The following LMF1 variants were observed in gnomAD, a reference collection of about 807,000 sequenced individuals.
LMF1 encodes lipase maturation factor 1, also known as transmembrane protein 112.
Under a neutral mutation model 60.6 loss-of-function variants are expected in LMF1, and 68 were observed. That is an observed-to-expected ratio of 1.12 (90% CI 0.92 to 1.37). The LOEUF (loss-of-function observed/expected upper bound fraction) is 1.37. Ranked by LOEUF, LMF1 falls within the 40% of genes most tolerant of loss-of-function variation. LMF1 has a pLI of 0.00. For missense variants in LMF1, 948 were observed against 767.2 expected, an observed-to-expected ratio of 1.24 and a Z score of -2.78; for synonymous variants, 418 against 324.7, an observed-to-expected ratio of 1.29 and a Z score of -3.09.
At chr16:912,909 C>A (rs1392141610) in intron 3 of LMF1, among the ~76,000 whole-genome samples, 1 of 152,242 alleles carries the variant, frequency 6.6e-6, no homozygotes, top group Non-Finnish European at 1.5e-5. Context: ...GCTGCCAGGG[C>A]GGCCTCAGCG....
At chr16:891,581 T>C (rs1329680284) in intron 5 of LMF1, among the ~76,000 whole-genome samples, 2 of 151,974 alleles carry the variant, frequency 1.3e-5, no homozygotes, top group Non-Finnish European at 2.9e-5. Flanking sequence ...AGACAAGGGG[T>C]CCACCCAGCT....
chr16:872,848 A>C (rs114231254), intron 6 of LMF1: 5,140 of 152,410 alleles, frequency 0.034, 85 homozygotes, highest in Middle Eastern at 0.048. Flanking sequence ...AGCCTGAGCC[A>C]GTGCCCGTTC....
chr16:870,431 G>GGGGGTT (rs760621469), intron 8 of LMF1, among the ~76,000 whole-genome samples: 1 of 152,232 alleles, frequency 6.6e-6, no homozygotes, highest in Non-Finnish European at 1.5e-5. Context: ...TTCCCACGCA[G>GGGGGTT]GGGGTTGGGG....
chr16:894,123 A>AC (rs1567197230), intron 4 of LMF1, among the ~76,000 whole-genome samples: 8 of 5,998 alleles, frequency 1.3e-3, no homozygotes. Context: ...TGTCCACCGG[A>AC]CCGTCTGCCC....
chr16:858,647 T>A (rs866787546), intron 10 of LMF1, among the ~76,000 whole-genome samples: 57 of 32,972 alleles, frequency 1.7e-3, no homozygotes, highest in Admixed American at 2.0e-3. Context: ...CAGTGGTGTC[T>A]CGGGACGGGT....
At chr16:964,169 G>A (rs2072875153) in intron 1 of LMF1, 1 of 454,260 alleles carries the variant, frequency 2.2e-6, no homozygotes, top group Non-Finnish European at 4.4e-6. Flanking sequence ...GGCAGCCTGT[G>A]CCCGTAGCCC....
At chr16:928,722 A>C (rs1463498121) in intron 3 of LMF1, among the ~76,000 whole-genome samples, 21 of 52,384 alleles carry the variant, frequency 4.0e-4, no homozygotes, top group South Asian at 1.4e-3. Context: ...CCACGGGCCC[A>C]CCCCACACCC....
At chr16:885,609 A>G (rs1488349366) in intron 5 of LMF1, among the ~76,000 whole-genome samples, 2 of 152,240 alleles carry the variant, frequency 1.3e-5, no homozygotes, top group Non-Finnish European at 2.9e-5. Context: ...CAGACAAAGC[A>G]CAATTCAGAG....
chr16:879,481 G>C (rs921233241), intron 6 of LMF1, 89 bp downstream of exon 6: 17 of 1,468,438 alleles, frequency 1.2e-5, no homozygotes, highest in Non-Finnish European at 1.6e-5. Context: ...TAATGCCCCA[G>C]GGTCCTCCCA....
chr16:911,738 C>T (rs2071128518), intron 3 of LMF1, among the ~76,000 whole-genome samples: 1 of 146,218 alleles, frequency 6.8e-6, no homozygotes, highest in Non-Finnish European at 1.5e-5. Flanking sequence ...GCCCAGCCTC[C>T]ATGTGAGGCA....
At chr16:914,554 C>A (rs1736495) in intron 3 of LMF1, among the ~76,000 whole-genome samples, 1 of 3,954 alleles carries the variant, frequency 2.5e-4, no homozygotes, top group Non-Finnish European at 5.9e-4. Flanking sequence ...CCCATGACCA[C>A]TGGTGACACA....
At chr16:974,426 C>T (rs1374929601), upstream of LMF1, among the ~76,000 whole-genome samples, 3 of 152,172 alleles carry the variant, frequency 2.0e-5, no homozygotes, top group South Asian at 2.1e-4. Context: ...GAGAAAAAGC[C>T]AGGCTGACCC....
intron 2 of LMF1, among the ~76,000 whole-genome samples, chr16:950,644 C>G (rs2072427434): frequency 6.8e-6 from 1 of 147,206 alleles, no homozygotes; most frequent in Non-Finnish European, 1.5e-5. Context: ...CAGCCAAGGA[C>G]AGAGTCAGCC....
chr16:894,470 G>A (rs554967599), intron 4 of LMF1, among the ~76,000 whole-genome samples: 3 of 151,408 alleles, frequency 2.0e-5, no homozygotes, highest in South Asian at 4.2e-4. Flanking sequence ...CTGTCCACCC[G>A]ACTTCTACCT....
chr16:859,760 T>G, intron 10 of LMF1, among the ~76,000 whole-genome samples: 1 of 69,610 alleles, frequency 1.4e-5, no homozygotes, highest in Non-Finnish European at 2.6e-5. Context: ...TGTCTCGGGA[T>G]GGGTGTGAGT....
At chr16:951,998 C>A (rs1014606168) in intron 2 of LMF1, among the ~76,000 whole-genome samples, 1 of 152,202 alleles carries the variant, frequency 6.6e-6, no homozygotes, top group Non-Finnish European at 1.5e-5. Flanking sequence ...CCCGTGAGAG[C>A]GCCTGACCCC....
chr16:891,437 C>A (rs2151729596), intron 5 of LMF1, among the ~76,000 whole-genome samples: 1 of 152,320 alleles, frequency 6.6e-6, no homozygotes, highest in Non-Finnish European at 1.5e-5. Context: ...GCATCTCTTG[C>A]CAATGGAAAG....
At chr16:910,853 C>T (rs1302438123) in intron 4 of LMF1, 78 bp downstream of exon 4, 9 of 1,575,776 alleles carry the variant, frequency 5.7e-6, no homozygotes, top group Non-Finnish European at 6.9e-6. Flanking sequence ...AGGAAACAGC[C>T]TCACCTCTCC....
At chr16:922,560 G>C (rs2071462306) in intron 3 of LMF1, among the ~76,000 whole-genome samples, 2 of 150,364 alleles carry the variant, frequency 1.3e-5, no homozygotes, top group Admixed American at 6.6e-5. Context: ...TTGGTGTCGT[G>C]TTGTTGCGAA....
Sources: allele counts gnomAD v4.1 joint callset (sites outside exome capture counted in the v4.1 genomes callset), GRCh38; gene constraint gnomAD v4.1.1; transcripts MANE v1.5; gene names NCBI Gene and HGNC (gene_info 2026-07-23, HGNC 2026-07-21).